Variants in KPNA4 observed in about 807,000 individuals in gnomAD.
KPNA4 encodes karyopherin subunit alpha 4.
A neutral mutation model predicts 71.3 loss-of-function variants in KPNA4; 13 were observed. That is an observed-to-expected ratio of 0.18 (90% confidence interval 0.12 to 0.29). The LOEUF (loss-of-function observed/expected upper bound fraction) is 0.29. Ranked by LOEUF, KPNA4 falls within the 10% of genes least tolerant of loss-of-function variation. The pLI is 1.00. For missense variants in KPNA4, 334 were observed against 603.2 expected (o/e 0.55, Z 4.67); for synonymous variants, 189 against 195.2 (o/e 0.97, Z 0.26).
chr3:160,504,667 TAA>T (rs1720948239), intron 16 of KPNA4, among the ~76,000 whole-genome samples: 1 of 152,180 alleles, frequency 6.6e-6, no homozygotes, highest in South Asian at 2.1e-4. Context: ...GGTATGCTAT[TAA>T]CAATTTTAAA....
intron 1 of KPNA4, among the ~76,000 whole-genome samples, chr3:160,544,755 A>C (rs1370469572): frequency 2.0e-5 from 3 of 152,224 alleles, no homozygotes; most frequent in Non-Finnish European, 4.4e-5. Flanking sequence ...TGCTTGAAGG[A>C]ATCTGATTTC....
chr3:160,523,574 G>T (rs529915869), intron 10 of KPNA4, among the ~76,000 whole-genome samples: 1 of 152,292 alleles, frequency 6.6e-6, no homozygotes, highest in East Asian at 1.9e-4. Flanking sequence ...CACAGGCTGG[G>T]TGTGGTGGCT....
chr3:160,505,375 G>C (rs1467706896), intron 15 of KPNA4, among the ~76,000 whole-genome samples: 1 of 152,116 alleles, frequency 6.6e-6, no homozygotes, highest in Non-Finnish European at 1.5e-5. Flanking sequence ...TTCCATTTAA[G>C]TAAAAAGCGG....
In KPNA4 at chr3:160,495,591, G is replaced by C. The variant is rs1720741665; in HGVS notation, c.*6513C>G. The C allele has an allele frequency of 6.6e-6, 1 of 151,874 alleles. No individual in the cohort carries two copies. The highest frequency in any genetic ancestry group is 1.5e-5 in the Non-Finnish European group (1 of 67,994). 9.4% of individuals were successfully genotyped at this position (151,874 alleles called of 1,614,324 possible). On this transcript the variant is annotated 3_prime_UTR_variant, in exon 17 of 17. Transcript: ENST00000334256. ...ATATGTAATTTTACCTTAACTAAAA[G>C]GTTAGGATGACTAGGACTGCCACTA... is the stretch of plus-strand genomic sequence containing the variant.
In KPNA4 at chr3:160,565,080, G is replaced by A. The variant is rs964053822; in HGVS notation, c.69+134C>T. On this transcript the variant is annotated intron_variant, in intron 1 of 16. Coordinates refer to ENST00000334256, the MANE Select transcript of KPNA4 (RefSeq NM_002268.5). ...CCGGCGCGCTAGCAGAGGCGTCACA[G>A]ACGGGCCGGCCCCTAGCGCCATTCC... 1.3e-5 allele frequency: 9 copies of A among 702,258 alleles called. No homozygotes were observed. In the Admixed American group the frequency reaches 2.1e-4, roughly 16 times the overall value. The allele number at this position is 702,258 out of a possible 1,614,324, so 43.5% of individuals were successfully genotyped here. A position where few individuals can be genotyped will look rare whatever the true frequency, so the allele number is the denominator to read the frequency against.
At chr3:160,547,460 A>G (rs1721945962) in intron 1 of KPNA4, among the ~76,000 whole-genome samples, 1 of 152,210 alleles carries the variant, frequency 6.6e-6, no homozygotes, top group African/African-American at 2.4e-5. Context: ...AACAGTAAAA[A>G]GTACAGACAG....
rs1406591386 is a variant in KPNA4 at position 160,538,145 on chromosome 3, GTA to G, written c.70-1307_70-1306del. On this transcript the variant is annotated intron_variant, in intron 1 of 16. Transcript: ENST00000334256. ...TATGTATATATATGTATGTATATAT[GTA>G]TATATATGTATATATGTGTGTATAT... is the stretch of plus-strand genomic sequence containing the variant. 6.7e-5 allele frequency among the ~76,000 whole-genome samples: 10 copies of G among 148,720 alleles called. No homozygotes were observed. The East Asian group carries it at 1.2e-3, about 17-fold the overall frequency.
chr3:160,506,252 T>A (rs1720982363), intron 15 of KPNA4, among the ~76,000 whole-genome samples: 1 of 152,034 alleles, frequency 6.6e-6, no homozygotes. Flanking sequence ...CACTGCAGCC[T>A]CTGCCTCCTG....
intron 10 of KPNA4, among the ~76,000 whole-genome samples, chr3:160,522,738 G>A (rs139125452): frequency 1.4e-3 from 206 of 152,328 alleles, no homozygotes; most frequent in African/African-American, 4.7e-3. Flanking sequence ...GATTACAGGC[G>A]TAAGCCACTG....
chr3:160,505,876 T>G (rs1478035481), intron 15 of KPNA4, among the ~76,000 whole-genome samples: 1 of 152,244 alleles, frequency 6.6e-6, no homozygotes, highest in Non-Finnish European at 1.5e-5. Context: ...AAAATGCTTG[T>G]GTAATTCTAC....
rs536064202 is a variant in KPNA4 at position 160,501,264 on chromosome 3, A to T, written c.*840T>A. On this transcript the variant is annotated 3_prime_UTR_variant, in exon 17 of 17. Coordinates refer to ENST00000334256, the MANE Select transcript of KPNA4 (RefSeq NM_002268.5). Reference sequence around the variant, plus strand: ...GCAACTAAAAAAAGGCATACTAGGTAAAGTAAATAAAAACTAAAAAAAAAG... The same window carrying T: ...GCAACTAAAAAAAGGCATACTAGGTTAAGTAAATAAAAACTAAAAAAAAAG... 3.9e-5 allele frequency: 6 copies of T among 152,184 alleles called. No individual in the cohort carries two copies. The South Asian group carries it at 1.3e-3, about 32-fold the overall frequency. 9.4% of individuals were successfully genotyped at this position (152,184 alleles called of 1,614,324 possible). A position where few individuals can be genotyped will look rare whatever the true frequency, so the allele number is the denominator to read the frequency against.
At chr3:160,555,894 C>T (rs1446904397) in intron 1 of KPNA4, among the ~76,000 whole-genome samples, 1 of 152,054 alleles carries the variant, frequency 6.6e-6, no homozygotes, top group Admixed American at 6.5e-5. Context: ...TGTAATGGCC[C>T]GATCTCAGCT....
At chr3:160,550,374 C>T (rs1482365756) in intron 1 of KPNA4, among the ~76,000 whole-genome samples, 1 of 152,212 alleles carries the variant, frequency 6.6e-6, no homozygotes, top group African/African-American at 2.4e-5. Context: ...CTTCCCCCCT[C>T]AGCCTTCCAA....
intron 15 of KPNA4, among the ~76,000 whole-genome samples, chr3:160,506,231 T>C (rs1248699794): frequency 6.6e-6 from 1 of 151,906 alleles, no homozygotes; most frequent in Non-Finnish European, 1.5e-5. Context: ...TGCAGTGGCG[T>C]GATCTTGGCT....
chr3:160,529,689 T>C (rs1261526204), intron 7 of KPNA4, among the ~76,000 whole-genome samples: 3 of 152,094 alleles, frequency 2.0e-5, no homozygotes, highest in Admixed American at 6.6e-5. Context: ...ATACTATTCA[T>C]GAAGACAATA....
At chr3:160,516,434 T>C (rs1422235222) in intron 11 of KPNA4, among the ~76,000 whole-genome samples, 2 of 121,296 alleles carry the variant, frequency 1.6e-5, no homozygotes, top group Non-Finnish European at 3.6e-5. Context: ...TAATTTTAGA[T>C]AGTGCCATAA....
chr3:160,520,416 T>TA lies in KPNA4; in HGVS notation c.903+1362dup, dbSNP rs1314314762. 4.2e-4 allele frequency among the ~76,000 whole-genome samples: 63 copies of TA among 150,914 alleles called. No individual in the cohort carries two copies. The East Asian group carries it at 0.011, about 27-fold the overall frequency. On this transcript the variant is annotated intron_variant, in intron 11 of 16. Coordinates refer to ENST00000334256, the MANE Select transcript of KPNA4 (RefSeq NM_002268.5). ...ACAGGCACATGCCACCATGCCTGGC[T>TA]AATTTTTTTTTTTTTTTTTGTATTT... is the stretch of plus-strand genomic sequence containing the variant.
rs1305320352 is a variant in KPNA4, at chr3:160,537,806, T to C, written c.70-966A>G. On this transcript the variant is annotated intron_variant, in intron 1 of 16. Transcript: ENST00000334256. ...TCTCTCACATTACATATTCAATCTG[T>C]CAGCAAATCCTGTTGGTTCAACCTT... is the stretch of plus-strand genomic sequence containing the variant. 2.0e-5 allele frequency among the ~76,000 whole-genome samples: 3 copies of C among 151,856 alleles called. No homozygotes were observed. The East Asian group carries it at 5.8e-4, about 29-fold the overall frequency.
At chr3:160,563,705 C>A (rs1457664817) in intron 1 of KPNA4, among the ~76,000 whole-genome samples, 1 of 152,030 alleles carries the variant, frequency 6.6e-6, no homozygotes, top group Non-Finnish European at 1.5e-5. Context: ...TAGTAAAAAA[C>A]ATTTTCACCA....
Sources: gnomAD v4.1 joint callset for allele counts (sites outside exome capture counted in the v4.1 genomes callset) on GRCh38, gnomAD v4.1.1 for gene constraint, MANE v1.5 for transcripts, NCBI Gene and HGNC (gene_info 2026-07-23, HGNC 2026-07-21) for gene names.